Variants in SPTAN1 observed in about 807,000 individuals in gnomAD.
SPTAN1 encodes spectrin alpha chain, non-erythrocytic 1.
Under a neutral mutation model 331.3 loss-of-function variants are expected in SPTAN1, and 61 were observed. That is an observed-to-expected ratio of 0.18 (90% CI 0.15 to 0.23). The LOEUF (loss-of-function observed/expected upper bound fraction) is 0.23, where lower values mean the gene tolerates loss of function less well. Ranked by LOEUF, SPTAN1 falls within the 10% of genes least tolerant of loss-of-function variation. The pLI is 1.00. For missense variants in SPTAN1, 2,043 were observed against 3,147.9 expected, an observed-to-expected ratio of 0.65 and a Z score of 8.40; for synonymous variants, 1,153 against 1,173.9, an observed-to-expected ratio of 0.98 and a Z score of 0.36.
chr9:128,566,689 C>A (rs771249131), intron 1 of SPTAN1, 49 bp from the exon 2 acceptor site: 1 of 1,613,204 alleles, frequency 6.2e-7, no homozygotes. Flanking sequence ...TACTTTTCAT[C>A]TATTTTGGTG....
rs978341374 is a variant in SPTAN1, at chr9:128,584,353, C to G, written c.2265C>G (p.Ile755Met). 1.2e-6 allele frequency: 2 copies of G among 1,614,180 alleles called. No homozygotes were observed. The highest frequency in any genetic ancestry group is 1.7e-6 in the Non-Finnish European group (2 of 1,180,044). ...QDAGHFDAEN[I>M]KKKQEALVAR... is the part of the protein sequence containing the mutation. Reference sequence around the variant, plus strand: ...CTGGCCATTTTGATGCAGAAAACATCAAGAAGAAACAGGAAGCCCTCGTGG... The same window carrying G: ...CTGGCCATTTTGATGCAGAAAACATGAAGAAGAAACAGGAAGCCCTCGTGG... Residue 755 changes from isoleucine (I) to methionine (M), a missense_variant, in exon 17 of 57, where the codon ATC becomes ATG. Physicochemically the swap from Ile to Met is conservative, Grantham distance 10. Coordinates refer to ENST00000372739, the MANE Select transcript of SPTAN1 (RefSeq NM_001130438.3).
chr9:128,607,564 G>A (rs368533485), intron 31 of SPTAN1, 40 bp from the exon 32 acceptor site: 77 of 1,519,290 alleles, frequency 5.1e-5, no homozygotes, highest in Admixed American at 6.7e-5. Context: ...CTCCTTACCA[G>A]GTAATATAAT....
At chr9:128,609,451 A>T in intron 36 of SPTAN1, 167 bp downstream of exon 36, 1 of 1,166,198 alleles carries the variant, frequency 8.6e-7, no homozygotes, top group Non-Finnish European at 1.2e-6. Flanking sequence ...TTTCAGAGCC[A>T]TTTAAAAGTT....
In SPTAN1 at chr9:128,633,539, A is replaced by G; in HGVS notation, c.*205A>G. On this transcript the variant is annotated 3_prime_UTR_variant, in exon 57 of 57. Transcript: ENST00000372739. The stretch of plus-strand genomic sequence containing the variant: ...TGTGGGGACCCAGATCTGTGTCTTG[A>G]AGCAGCTGCCCTCATTCCGACTTCA... 1 of 1,094,868 alleles carries G rather than the reference A, an allele frequency of 9.1e-7. No individual in the cohort carries two copies. The highest frequency in any genetic ancestry group is 1.4e-5 in the South Asian group (1 of 71,170). 67.8% of individuals were successfully genotyped at this position (1,094,868 alleles called of 1,614,324 possible).
chr9:128,575,509 C>T (rs1016348134), intron 5 of SPTAN1, among the ~76,000 whole-genome samples, 164 bp downstream of exon 5: 2 of 152,160 alleles, frequency 1.3e-5, no homozygotes, highest in Non-Finnish European at 2.9e-5. Context: ...ACTGATTACT[C>T]CTAAATTGGA....
rs1285932116 is a variant in SPTAN1, at chr9:128,583,943, C to T, written c.2167C>T (p.Leu723=). 2 of 1,614,134 alleles carry T rather than the reference C, an allele frequency of 1.2e-6. No individual in the cohort carries two copies. Among genetic ancestry groups the T allele is most frequent in the Non-Finnish European group, 1.7e-6 (2 of 1,180,008 alleles). The change falls in exon 16 of 57, where the codon CTA becomes TTA. Residue 723 remains leucine, a synonymous_variant. Transcript: ENST00000372739. The stretch of plus-strand genomic sequence containing the variant: ...GAACCTCCAGAAGAAACATGCACTG[C>T]TAGAGGCAGATGTGGCTGCTCACCA... The part of the protein sequence containing the change: ...VQNLQKKHAL[L]EADVAAHQDR...
Position 128,605,375 on chromosome 9 carries a change from C to T in SPTAN1, c.3944C>T (p.Thr1315Ile). The change falls in exon 31 of 57, where the codon ACA becomes ATA. Residue 1315 changes from threonine to isoleucine, a missense_variant. Coordinates refer to ENST00000372739, the MANE Select transcript of SPTAN1 (RefSeq NM_001130438.3). ...ESAEDLQEKC[T>I]ELNQAWSSLG... is the part of the protein sequence containing the mutation. ...GCAGAAGACCTGCAGGAAAAGTGCA[C>T]AGAGTTAAACCAGGCCTGGAGCAGC... The T allele has an allele frequency of 1.2e-6, 2 of 1,614,194 alleles. No individual in the cohort carries two copies. Among genetic ancestry groups the T allele is most frequent in the Non-Finnish European group, 1.7e-6 (2 of 1,180,044 alleles).
rs1392254520 is a variant in SPTAN1 at position 128,608,382 on chromosome 9, C to T, written c.4491+106C>T. 2.2e-6 allele frequency: 3 copies of T among 1,392,432 alleles called. No individual in the cohort carries two copies. The African/African-American group carries it at 4.3e-5, about 20-fold the overall frequency. 86.3% of individuals were successfully genotyped at this position (1,392,432 alleles called of 1,614,324 possible). A position where few individuals can be genotyped will look rare whatever the true frequency, so the allele number is the denominator to read the frequency against. ...TATCTCCAAGGAATACCTGCGTTGTCTAAGAAAAATATGTACATAAATAAT... is the reference window on the plus strand; with the variant it reads ...TATCTCCAAGGAATACCTGCGTTGTTTAAGAAAAATATGTACATAAATAAT... On this transcript the variant is annotated intron_variant, in intron 34 of 56. Transcript: ENST00000372739.
Position 128,627,799 on chromosome 9 carries a change from G to A in SPTAN1, c.6690-126G>A, listed in dbSNP as rs1858998143. 1 of 1,220,438 alleles carries A rather than the reference G, an allele frequency of 8.2e-7. No homozygotes were observed. The highest frequency in any genetic ancestry group is 1.5e-5 in the African/African-American group (1 of 67,282). 75.6% of individuals were successfully genotyped at this position (1,220,438 alleles called of 1,614,324 possible). The stretch of plus-strand genomic sequence containing the variant: ...TGGTGACAGACGATGCAGGGTCTGT[G>A]CGTTGGGTACTGATGTTCTTGCTTT... On this transcript the variant is annotated intron_variant, in intron 50 of 56. Transcript: ENST00000372739. This position sits in a 1 kb window ranked among gnomAD's most constrained non-coding sequence, Gnocchi z 4.9.
intron 27 of SPTAN1, 60 bp downstream of exon 27, chr9:128,600,175 C>A (rs557425310): frequency 3.2e-6 from 5 of 1,555,572 alleles, no homozygotes; most frequent in East Asian, 2.2e-5. Flanking sequence ...GAAATATGTC[C>A]TTTTCTGGTG....
intron 3 of SPTAN1, among the ~76,000 whole-genome samples, chr9:128,570,330 A>AT (rs541960678): frequency 3.9e-4 from 28 of 71,872 alleles, no homozygotes; most frequent in African/African-American, 1.4e-3. Context: ...ATATATATAT[A>AT]TTTTTTTTTT....
intron 1 of SPTAN1, chr9:128,555,362 C>T (rs1013687996): frequency 7.8e-7 from 1 of 1,289,368 alleles, no homozygotes; most frequent in African/African-American, 1.5e-5. Context: ...CCACATTCCT[C>T]CATCATGTTG....
At chr9:128,626,084 C>A in intron 48 of SPTAN1, 106 bp downstream of exon 48, 1 of 1,360,720 alleles carries the variant, frequency 7.3e-7, no homozygotes, top group Non-Finnish European at 1.0e-6. Flanking sequence ...GCTGTGAGCT[C>A]AGTGCAGAGC....
intron 5 of SPTAN1, 74 bp from the exon 6 acceptor site, chr9:128,576,748 GA>G: frequency 6.3e-7 from 1 of 1,589,602 alleles, no homozygotes; most frequent in Non-Finnish European, 8.5e-7. Context: ...ATGCTTCAAG[GA>G]ACCAACCCCA....
Position 128,593,485 on chromosome 9 carries a change from T to C in SPTAN1, c.3215+443T>C, listed in dbSNP as rs12685573. The C allele has an allele frequency of 3.5e-4, 76 of 214,634 alleles. No homozygotes were observed. The East Asian group carries it at 6.0e-3, about 17-fold the overall frequency. The allele number at this position is 214,634 out of a possible 1,614,324, so 13.3% of individuals were successfully genotyped here. A position where few individuals can be genotyped will look rare whatever the true frequency, so the allele number is the denominator to read the frequency against. On this transcript the variant is annotated intron_variant, in intron 23 of 56. Coordinates refer to ENST00000372739, the MANE Select transcript of SPTAN1 (RefSeq NM_001130438.3). ...CTAGTTTTTTTTAATTTTTAGTTTT[T>C]TATTGTTTGTTGTTTTCGTGTTCAA...
rs1322604332 is a variant in SPTAN1 at position 128,615,628 on chromosome 9, C to T, written c.5149-4C>T. 6.2e-7 allele frequency: 1 copy of T among 1,613,888 alleles called. No homozygotes were observed. Among genetic ancestry groups the T allele is most frequent in the South Asian group, 1.1e-5 (1 of 91,050 alleles). On this transcript the variant is annotated splice_polypyrimidine_tract_variant and splice_region_variant and intron_variant, in intron 40 of 56. Coordinates refer to ENST00000372739, the MANE Select transcript of SPTAN1 (RefSeq NM_001130438.3). ...TTCTGACCCTCTTATGTCCCCTGCC[C>T]CAGGATCGCCTGAAGGACCTGAACA...
intron 1 of SPTAN1, among the ~76,000 whole-genome samples, chr9:128,556,783 G>A (rs1848684639): frequency 6.6e-6 from 1 of 152,180 alleles, no homozygotes; most frequent in Non-Finnish European, 1.5e-5. Context: ...ATGGTGTTCA[G>A]TCATCCTTTA....
intron 41 of SPTAN1, 99 bp from the exon 42 acceptor site, chr9:128,617,541 A>T: frequency 6.4e-7 from 1 of 1,573,480 alleles, no homozygotes; most frequent in East Asian, 2.3e-5. Context: ...TCCCAGAAAG[A>T]TTAGTAGATG....
Position 128,618,127 on chromosome 9 carries a change from G to A in SPTAN1, c.5600+19G>A. 6.2e-7 allele frequency: 1 copy of A among 1,612,330 alleles called. No individual in the cohort carries two copies. On this transcript the variant is annotated intron_variant, in intron 43 of 56. Coordinates refer to ENST00000372739, the MANE Select transcript of SPTAN1 (RefSeq NM_001130438.3). ...CTGCCCGGTGAGTAGTCAGAGGCAGGAGCTCCCGGGAACAAGTGGAAGGCC... is the reference window on the plus strand; with the variant it reads ...CTGCCCGGTGAGTAGTCAGAGGCAGAAGCTCCCGGGAACAAGTGGAAGGCC...
Sources: allele counts gnomAD v4.1 joint callset (sites outside exome capture counted in the v4.1 genomes callset), GRCh38; gene constraint gnomAD v4.1.1; non-coding constraint Gnocchi (gnomAD v3.1); transcripts MANE v1.5; gene names NCBI Gene and HGNC (gene_info 2026-07-23, HGNC 2026-07-21).